The following PLB1 variants were observed in gnomAD, a reference collection of about 807,000 sequenced individuals.
PLB1 encodes phospholipase B1, membrane-associated.
Under a neutral mutation model 227.4 loss-of-function variants are expected in PLB1, and 242 were observed. The observed-to-expected ratio is 1.06, with a 90% CI of 0.96 to 1.18. PLB1 has a LOEUF of 1.18. PLB1 is among the 50% of genes most tolerant of loss of function. The pLI, the probability that PLB1 is intolerant of heterozygous loss-of-function variation, is 0.00. For synonymous variants in PLB1, 757 were observed against 682.2 expected, an observed-to-expected ratio of 1.11 and a Z score of -1.71; for missense variants, 1,858 against 1,816.3, an observed-to-expected ratio of 1.02 and a Z score of -0.42.
chr2:28,513,483 C>T (rs1668507121), intron 1 of PLB1, among the ~76,000 whole-genome samples: 1 of 152,238 alleles, frequency 6.6e-6, no homozygotes, highest in Non-Finnish European at 1.5e-5. Flanking sequence ...CTGCCTGAAG[C>T]TCTGCTCAGT....
chr2:28,562,892 G>T lies in PLB1; in HGVS notation c.1148-149G>T, dbSNP rs1676287438. On this transcript the variant is annotated intron_variant, in intron 17 of 57. Coordinates refer to ENST00000327757, the MANE Select transcript of PLB1 (RefSeq NM_153021.5). ...TTGCAGAGCCCATTGACAAGGATGGGTTTTTCCTATCTTTTATCCAAGGTG... is the reference window on the plus strand; with the variant it reads ...TTGCAGAGCCCATTGACAAGGATGGTTTTTTCCTATCTTTTATCCAAGGTG... 3 of 727,668 alleles carry T rather than the reference G, an allele frequency of 4.1e-6. No homozygotes were observed. The South Asian group carries it at 5.1e-5, about 12-fold the overall frequency. 45.1% of individuals were successfully genotyped at this position (727,668 alleles called of 1,614,324 possible).
intron 43 of PLB1, among the ~76,000 whole-genome samples, chr2:28,609,931 G>A (rs148630734): frequency 6.9e-4 from 105 of 152,010 alleles, no homozygotes; most frequent in African/African-American, 2.5e-3. Context: ...CTAACTAGTC[G>A]CACCTTCCCA....
chr2:28,573,707 C>G (rs1678408698), intron 21 of PLB1, among the ~76,000 whole-genome samples: 1 of 152,204 alleles, frequency 6.6e-6, no homozygotes. Flanking sequence ...CTTCCAGTGT[C>G]CTGGGAAGAG....
rs1488337855 is a variant in PLB1 at position 28,602,949 on chromosome 2, T to A, written c.2774+28T>A. 6.9e-6 allele frequency: 11 copies of A among 1,589,168 alleles called. No individual in the cohort carries two copies. In the East Asian group the frequency reaches 2.0e-4, roughly 29 times the overall value. On this transcript the variant is annotated intron_variant, in intron 39 of 57. Transcript: ENST00000327757. ...AGGCAGGTCCTGGCTGTCCCCACAC[T>A]GGAGATGCCCTCACCTCCTGGTCTG...
rs35262780 is a variant in PLB1, at chr2:28,541,185, T to TTAAATAAA, written c.775-506_775-499dup. 3.6e-3 allele frequency among the ~76,000 whole-genome samples: 539 copies of TTAAATAAA among 150,098 alleles called. 1 individual carries two copies. The highest frequency in any genetic ancestry group is 0.01 in the Middle Eastern group (3 of 290). ...AGACTCCGTCTCAAAAATAAATAAA[T>TTAAATAAA]TAAATAAATAAATAAATAAATAAGG... On this transcript the variant is annotated intron_variant, in intron 12 of 57. Coordinates refer to ENST00000327757, the MANE Select transcript of PLB1 (RefSeq NM_153021.5).
In PLB1 at chr2:28,585,748, G is replaced by A. The variant is rs1461256549; in HGVS notation, c.1734-13G>A. ...TTGGTGGGATGAGGGTTTCTCTTTG[G>A]TTTGGTCTACAGGTCTCTGTGTCCC... is the stretch of plus-strand genomic sequence containing the variant. On this transcript the variant is annotated splice_polypyrimidine_tract_variant and intron_variant, in intron 25 of 57. Coordinates refer to ENST00000327757, the MANE Select transcript of PLB1 (RefSeq NM_153021.5). 1 of 1,586,506 alleles carries A rather than the reference G, an allele frequency of 6.3e-7. No individual in the cohort carries two copies. Among genetic ancestry groups the A allele is most frequent in the Non-Finnish European group, 8.7e-7 (1 of 1,154,968 alleles).
intron 44 of PLB1, 109 bp downstream of exon 44, chr2:28,614,205 C>T (rs1215851351): frequency 1.9e-6 from 2 of 1,057,312 alleles, no homozygotes; most frequent in Non-Finnish European, 2.9e-6. Context: ...AAATGTACTT[C>T]TTACATACTG....
intron 17 of PLB1, 53 bp from the exon 18 acceptor site, chr2:28,562,988 C>T: frequency 6.7e-7 from 1 of 1,501,620 alleles, no homozygotes; most frequent in East Asian, 2.3e-5. Flanking sequence ...GTAGATGGGT[C>T]CAGTGCTTTC....
At chr2:28,565,549 G>C (rs904826730) in intron 19 of PLB1, among the ~76,000 whole-genome samples, 196 bp downstream of exon 19, 1 of 84,084 alleles carries the variant, frequency 1.2e-5, no homozygotes, top group Non-Finnish European at 3.3e-5. Context: ...AACAGTAGCT[G>C]AGCCTTGAGC....
chr2:28,544,609 G>A (rs1558717822), intron 14 of PLB1, among the ~76,000 whole-genome samples: 1 of 152,200 alleles, frequency 6.6e-6, no homozygotes, highest in African/African-American at 2.4e-5. Context: ...CAGCCCAGAG[G>A]AACGAGAGTC....
At chr2:28,550,170 GTTTTT>G in intron 16 of PLB1, 86 bp downstream of exon 16, 3 of 737,536 alleles carry the variant, frequency 4.1e-6, no homozygotes, top group Non-Finnish European at 4.1e-6. Context: ...CTTCCACGTG[GTTTTT>G]TTTTTTTTTT....
Position 28,528,908 on chromosome 2 carries a change from C to A in PLB1, c.326-409C>A, listed in dbSNP as rs1670630275. Among the ~76,000 whole-genome samples the A allele has an allele frequency of 2.6e-5, 4 of 151,488 alleles. No homozygotes were observed. In the South Asian group the frequency reaches 8.3e-4, roughly 32 times the overall value. On this transcript the variant is annotated intron_variant, in intron 6 of 57. Coordinates refer to ENST00000327757, the MANE Select transcript of PLB1 (RefSeq NM_153021.5). The stretch of plus-strand genomic sequence containing the variant: ...CATGCCTTGGAATAGGGGCGGCGAC[C>A]CCGGCAGCTCACCCTAGAGGAAGGG...
intron 1 of PLB1, among the ~76,000 whole-genome samples, chr2:28,506,706 C>T (rs1445482603): frequency 6.6e-6 from 1 of 152,042 alleles, no homozygotes; most frequent in Non-Finnish European, 1.5e-5. Context: ...AGTGGCATGA[C>T]GCAAGTGGTA....
At position 28,579,658 on chromosome 2, in the gene PLB1, TAAC is replaced by T; in HGVS notation, c.1518_1520del (p.Thr507del). On this transcript the variant is annotated inframe_deletion, in exon 23 of 58. Coordinates refer to ENST00000327757, the MANE Select transcript of PLB1 (RefSeq NM_153021.5). ...CACTTTCAGGAAGACTGGAAGATAATAACCCTGTTTATAGGCGGCAATGACCTC... is the reference window on the plus strand; with the variant it reads ...CACTTTCAGGAAGACTGGAAGATAATCCTGTTTATAGGCGGCAATGACCTC... 6.2e-7 allele frequency: 1 copy of T among 1,613,406 alleles called. No individual in the cohort carries two copies. The highest frequency in any genetic ancestry group is 1.1e-5 in the South Asian group (1 of 91,072).
chr2:28,641,727 T>C lies in PLB1; in HGVS notation c.4173+726T>C, dbSNP rs545988554. 1.1e-3 allele frequency among the ~76,000 whole-genome samples: 167 copies of C among 152,222 alleles called. 1 individual carries two copies. Among genetic ancestry groups the C allele is most frequent in the Non-Finnish European group, 1.6e-3 (108 of 67,998 alleles). ...TGGAGCCTGCAATGGTCTTCCTCCC[T>C]CGCCACACCCACTGCCCTTGCCTGG... On this transcript the variant is annotated intron_variant, in intron 57 of 57. Transcript: ENST00000327757.
intron 21 of PLB1, among the ~76,000 whole-genome samples, chr2:28,576,586 C>T (rs369831226): frequency 5.7e-4 from 86 of 152,178 alleles, no homozygotes; most frequent in Non-Finnish European, 9.7e-4. Context: ...AACAATTAGC[C>T]GGGTGTGGTG....
chr2:28,543,836 CG>C (rs1672845551), intron 14 of PLB1, among the ~76,000 whole-genome samples: 2 of 152,198 alleles, frequency 1.3e-5, no homozygotes, highest in South Asian at 4.1e-4. Context: ...AAGCACTCCA[CG>C]TGGATTGGCC....
chr2:28,512,411 T>C (rs1668387194), intron 1 of PLB1, among the ~76,000 whole-genome samples: 1 of 152,190 alleles, frequency 6.6e-6, no homozygotes, highest in African/African-American at 2.4e-5. Flanking sequence ...TTGAAGACTT[T>C]GCCTGTGAAA....
intron 17 of PLB1, among the ~76,000 whole-genome samples, chr2:28,553,806 T>C (rs1674604032): frequency 6.6e-6 from 1 of 152,254 alleles, no homozygotes; most frequent in Non-Finnish European, 1.5e-5. Context: ...CTAATGAATC[T>C]ATTGTTTCTC....
Sources: gnomAD v4.1 joint callset for allele counts (sites outside exome capture counted in the v4.1 genomes callset) on GRCh38, gnomAD v4.1.1 for gene constraint, MANE v1.5 for transcripts, NCBI Gene and HGNC (gene_info 2026-07-23, HGNC 2026-07-21) for gene names.